Variants in BCAS3 observed in about 807,000 individuals in gnomAD.
BCAS3 encodes the protein BCAS3 microtubule associated cell migration factor, also known as BCAS4/BCAS3 fusion.
BCAS3 carries 53 observed loss-of-function variants against 116.1 expected under a neutral mutation model. The ratio of observed to expected loss-of-function variants is 0.46; its 90% CI spans 0.37 to 0.57. BCAS3 has a LOEUF of 0.57. BCAS3 is among the 20% of genes least tolerant of loss of function. The pLI is 0.00. For synonymous variants in BCAS3, 391 were observed against 408.2 expected (o/e 0.96, Z 0.51); for missense variants, 917 against 1,165.4 (o/e 0.79, Z 3.10).
chr17:61,093,529 G>A (rs1482686012), intron 22 of BCAS3, among the ~76,000 whole-genome samples: 8 of 152,202 alleles, frequency 5.3e-5, no homozygotes, highest in Non-Finnish European at 1.0e-4. Flanking sequence ...TGAGGCTGCA[G>A]TGAGCTGTGA....
Position 61,351,370 on chromosome 17 carries a change from A to C in BCAS3, c.2426-16957A>C, listed in dbSNP as rs535264897. Among the ~76,000 whole-genome samples, 12 of 152,344 alleles carry C rather than the reference A, an allele frequency of 7.9e-5. No homozygotes were observed. In the South Asian group the frequency reaches 2.5e-3, roughly 32 times the overall value. On this transcript the variant is annotated intron_variant, in intron 22 of 23. Coordinates refer to ENST00000407086, the MANE Select transcript of BCAS3 (RefSeq NM_017679.5). The stretch of plus-strand genomic sequence containing the variant: ...CCTTACATCTCAAAGTACCTGGTGT[A>C]AAGTGGTGAAAGCACCAACCGAAGG...
chr17:60,730,123 C>A (rs894177670), intron 5 of BCAS3, among the ~76,000 whole-genome samples: 1 of 152,156 alleles, frequency 6.6e-6, no homozygotes, highest in Non-Finnish European at 1.5e-5. Context: ...ATATCTAAAT[C>A]AGTGTTGCAT....
intron 7 of BCAS3, among the ~76,000 whole-genome samples, chr17:60,827,259 T>C (rs1225946023): frequency 6.6e-6 from 1 of 152,250 alleles, no homozygotes; most frequent in Non-Finnish European, 1.5e-5. Context: ...CTGATACATG[T>C]TAGGTGTGCC....
intron 7 of BCAS3, among the ~76,000 whole-genome samples, chr17:60,835,108 TA>T (rs1246401277): frequency 6.6e-6 from 1 of 151,982 alleles, no homozygotes; most frequent in East Asian, 1.9e-4. Context: ...AAGAAAGCGA[TA>T]AAATAGGAAA....
At chr17:60,678,798 C>T (rs574993686) in intron 1 of BCAS3, among the ~76,000 whole-genome samples, 7 of 152,310 alleles carry the variant, frequency 4.6e-5, no homozygotes, top group African/African-American at 1.7e-4. Flanking sequence ...ACTATCTCAA[C>T]ATAAAATTGC....
intron 7 of BCAS3, among the ~76,000 whole-genome samples, chr17:60,842,943 C>T (rs551155461): frequency 1.3e-5 from 2 of 151,188 alleles, no homozygotes; most frequent in Non-Finnish European, 2.9e-5. Context: ...CCAATTATAG[C>T]TCATTGCAGT....
intron 7 of BCAS3, among the ~76,000 whole-genome samples, chr17:60,842,669 C>A (rs2052062794): frequency 1.3e-5 from 2 of 152,124 alleles, no homozygotes; most frequent in Non-Finnish European, 2.9e-5. Context: ...GCAGTGCTCA[C>A]ATTTGCTTAC....
intron 1 of BCAS3, among the ~76,000 whole-genome samples, 162 bp downstream of exon 1, chr17:60,678,076 C>A (rs2032279244): frequency 6.6e-6 from 1 of 152,126 alleles, no homozygotes. Context: ...CGGCCGGGGG[C>A]AGCGGTGGCT....
chr17:60,977,652 C>T (rs1347842051), intron 14 of BCAS3, among the ~76,000 whole-genome samples: 1 of 147,226 alleles, frequency 6.8e-6, no homozygotes, highest in Admixed American at 6.7e-5. Context: ...TCCCACCCCG[C>T]TCCCCCCACC....
chr17:61,059,559 G>C (rs1005561565), intron 19 of BCAS3, among the ~76,000 whole-genome samples: 2 of 152,168 alleles, frequency 1.3e-5, no homozygotes, highest in Non-Finnish European at 2.9e-5. Flanking sequence ...TCTTCCGTGA[G>C]GTCTTTCTTG....
At chr17:61,147,278 G>A (rs944174726) in intron 22 of BCAS3, among the ~76,000 whole-genome samples, 3 of 151,924 alleles carry the variant, frequency 2.0e-5, no homozygotes, top group Non-Finnish European at 4.4e-5. Context: ...GTTTCTCCAT[G>A]TTGGTCAGGC....
chr17:61,213,039 T>C lies in BCAS3; in HGVS notation c.2425+128475T>C, dbSNP rs2081562427. ...TGAATCCCAACTAGATAGTTTGGGATAGTTCTTTGGGGCAGGACCCATGTC... is the reference window on the plus strand; with the variant it reads ...TGAATCCCAACTAGATAGTTTGGGACAGTTCTTTGGGGCAGGACCCATGTC... On this transcript the variant is annotated intron_variant, in intron 22 of 23. Coordinates refer to ENST00000407086, the MANE Select transcript of BCAS3 (RefSeq NM_017679.5). This position sits in a 1 kb window ranked among gnomAD's most constrained non-coding sequence, Gnocchi z 5.4. Among the ~76,000 whole-genome samples the C allele has an allele frequency of 6.6e-6, 1 of 152,224 alleles. No individual in the cohort carries two copies. The highest frequency in any genetic ancestry group is 2.4e-5 in the African/African-American group (1 of 41,462).
intron 10 of BCAS3, among the ~76,000 whole-genome samples, chr17:60,890,962 G>T (rs1177478744): frequency 1.3e-5 from 2 of 152,094 alleles, no homozygotes; most frequent in Non-Finnish European, 2.9e-5. Context: ...TTATTTTTCT[G>T]CATAAATTCT....
intron 22 of BCAS3, among the ~76,000 whole-genome samples, chr17:61,246,435 G>C (rs2047950754): frequency 7.5e-6 from 1 of 133,528 alleles, no homozygotes; most frequent in South Asian, 2.3e-4. Context: ...TGGTGCCACT[G>C]CACACCAGCC....
chr17:61,273,035 A>G (rs1390467824), intron 22 of BCAS3, among the ~76,000 whole-genome samples: 2 of 151,474 alleles, frequency 1.3e-5, no homozygotes, highest in Non-Finnish European at 2.9e-5. Context: ...TTCTGTTAAC[A>G]TTTCTTGAAA....
chr17:61,050,356 GA>G (rs576530532), intron 19 of BCAS3, among the ~76,000 whole-genome samples: 8 of 151,874 alleles, frequency 5.3e-5, no homozygotes, highest in African/African-American at 1.4e-4. Context: ...ACTGTTAACA[GA>G]AAAAAATGGC....
At position 60,978,599 on chromosome 17, in the gene BCAS3, A is replaced by T. The variant is rs1277386060; in HGVS notation, c.1222-11372A>T. Among the ~76,000 whole-genome samples the T allele has an allele frequency of 1.8e-3, 270 of 152,024 alleles. 3 individuals carry two copies. Among genetic ancestry groups the T allele is most frequent in the African/African-American group, 5.7e-3 (236 of 41,462 alleles). ...GCCCATGCCTATGTCCTGAATGGTA[A>T]AGCCTAGGTTTTCTTCTAGGGTTTT... On this transcript the variant is annotated intron_variant, in intron 14 of 23. Coordinates refer to ENST00000407086, the MANE Select transcript of BCAS3 (RefSeq NM_017679.5).
At position 61,093,128 on chromosome 17, in the gene BCAS3, G is replaced by A. The variant is rs139217361; in HGVS notation, c.2425+8564G>A. 1.4e-3 allele frequency among the ~76,000 whole-genome samples: 213 copies of A among 151,942 alleles called. 1 individual carries two copies. In the East Asian group the frequency reaches 0.029, roughly 20 times the overall value. ...TCATCATGTTGGCCAGGCTGGTCTCGAGCTCCTGACCTCAGGTGATCTGCC... is the reference window on the plus strand; with the variant it reads ...TCATCATGTTGGCCAGGCTGGTCTCAAGCTCCTGACCTCAGGTGATCTGCC... On this transcript the variant is annotated intron_variant, in intron 22 of 23. Coordinates refer to ENST00000407086, the MANE Select transcript of BCAS3 (RefSeq NM_017679.5).
Position 60,910,569 on chromosome 17 carries a change from T to A in BCAS3, c.860T>A (p.Val287Glu). 6.2e-7 allele frequency: 1 copy of A among 1,609,682 alleles called. No homozygotes were observed. The highest frequency in any genetic ancestry group is 8.5e-7 in the Non-Finnish European group (1 of 1,178,058). ...GGCCTGACAATGGTAGGGAAAGTGGTGACTCAGCTGACAGGCACACTGCCT... is the reference window on the plus strand; with the variant it reads ...GGCCTGACAATGGTAGGGAAAGTGGAGACTCAGCTGACAGGCACACTGCCT... Reference protein sequence around the residue: ...KSGLTMVGKVVTQLTGTLPSG... With the variant: ...KSGLTMVGKVETQLTGTLPSG... The change falls in exon 12 of 24, where the codon GTG becomes GAG. Residue 287 changes from valine (V) to glutamate (E), a missense_variant. Around this residue, in one of 3 missense-constraint regions of BCAS3, gnomAD observed 807 missense variants for 1,026.0 expected, o/e 0.79. Coordinates refer to ENST00000407086, the MANE Select transcript of BCAS3 (RefSeq NM_017679.5).
Sources: gnomAD v4.1 joint callset for allele counts (sites outside exome capture counted in the v4.1 genomes callset) on GRCh38, gnomAD v4.1.1 for gene constraint, gnomAD v4.1.1 regional missense constraint, Gnocchi (gnomAD v3.1) non-coding constraint, MANE v1.5 for transcripts, NCBI Gene and HGNC (gene_info 2026-07-23, HGNC 2026-07-21) for gene names.